RPS6KA5: variants seen among roughly 807,000 people sequenced by gnomAD.
RPS6KA5 encodes the protein ribosomal protein S6 kinase A5.
In RPS6KA5, 27 loss-of-function variants were observed where a neutral mutation model predicts 85.5. That is an observed-to-expected ratio of 0.32 (90% CI 0.23 to 0.44). The LOEUF is 0.44. Ranked by LOEUF, RPS6KA5 falls within the 20% of genes least tolerant of loss-of-function variation. RPS6KA5 has a pLI of 1.00. For missense variants in RPS6KA5, 811 were observed against 980.9 expected (o/e 0.83, Z 2.31); for synonymous variants, 334 against 348.2 (o/e 0.96, Z 0.46).
chr14:90,905,773 T>C (rs142301512), intron 8 of RPS6KA5, among the ~76,000 whole-genome samples: 26 of 152,302 alleles, frequency 1.7e-4, no homozygotes, highest in African/African-American at 6.3e-4. Context: ...CAGTAATAGC[T>C]CATGAACTGA....
At chr14:91,038,467 G>A (rs959104873) in intron 1 of RPS6KA5, among the ~76,000 whole-genome samples, 3 of 152,148 alleles carry the variant, frequency 2.0e-5, no homozygotes, top group Non-Finnish European at 4.4e-5. Context: ...GAACCCATGA[G>A]GACAAACAAG....
intron 5 of RPS6KA5, among the ~76,000 whole-genome samples, chr14:90,942,245 A>G (rs1376781061): frequency 5.3e-5 from 8 of 152,232 alleles, no homozygotes; most frequent in Non-Finnish European, 1.2e-4. Context: ...AAAACCAATC[A>G]GAAATAGATA....
At chr14:90,974,456 T>C (rs1296500644) in intron 3 of RPS6KA5, among the ~76,000 whole-genome samples, 1 of 152,266 alleles carries the variant, frequency 6.6e-6, no homozygotes, top group Non-Finnish European at 1.5e-5. Flanking sequence ...ATGAATTCTT[T>C]CTAGTTCCCC....
At chr14:90,966,810 T>G (rs1454351967) in intron 3 of RPS6KA5, among the ~76,000 whole-genome samples, 2 of 152,204 alleles carry the variant, frequency 1.3e-5, no homozygotes, top group African/African-American at 2.4e-5. Flanking sequence ...TTAAGGTAGA[T>G]TCTTCATCTT....
At chr14:90,999,892 G>C (rs559728487) in intron 2 of RPS6KA5, among the ~76,000 whole-genome samples, 48 of 152,294 alleles carry the variant, frequency 3.2e-4, no homozygotes, top group African/African-American at 1.1e-3. Context: ...TTACAAAGCA[G>C]AAAACCAAGA....
chr14:90,937,556 T>G (rs915508742), intron 5 of RPS6KA5, among the ~76,000 whole-genome samples: 1 of 152,170 alleles, frequency 6.6e-6, no homozygotes, highest in African/African-American at 2.4e-5. Context: ...TATCAGTCCA[T>G]TCTCACACTG....
rs543189121 is a variant in RPS6KA5, at chr14:91,047,953, C to T, written c.103+12379G>A. On this transcript the variant is annotated intron_variant, in intron 1 of 16. Coordinates refer to ENST00000614987, the MANE Select transcript of RPS6KA5 (RefSeq NM_004755.4). The stretch of plus-strand genomic sequence containing the variant: ...TCTCTGACTCTGGCCCTCCTGTCTC[C>T]CTCTTACAAGAACTCTTGTGATTTC... 2.6e-5 allele frequency among the ~76,000 whole-genome samples: 4 copies of T among 152,280 alleles called. No individual in the cohort carries two copies. The East Asian group carries it at 7.7e-4, about 29-fold the overall frequency.
In RPS6KA5 at chr14:90,858,978, A is replaced by G. The variant is rs1163292737; in HGVS notation, c.*13096T>C. 1 of 152,252 alleles carries G rather than the reference A, an allele frequency of 6.6e-6. No individual in the cohort carries two copies. The highest frequency in any genetic ancestry group is 1.5e-5 in the Non-Finnish European group (1 of 68,068). The allele number at this position is 152,252 out of a possible 1,614,324, so 9.4% of individuals were successfully genotyped here. ...GTCTGCCAATTGCAGACTCCTGTGC[A>G]ACAAGGTGAGACTTCAAGAAATCCA... On this transcript the variant is annotated 3_prime_UTR_variant, in exon 17 of 17. Transcript: ENST00000614987.
chr14:90,891,839 C>G (rs540195353), intron 13 of RPS6KA5, among the ~76,000 whole-genome samples: 35 of 152,268 alleles, frequency 2.3e-4, no homozygotes, highest in African/African-American at 1.2e-4. Flanking sequence ...AGTCTTTTAG[C>G]AAGTAACACC....
intron 3 of RPS6KA5, among the ~76,000 whole-genome samples, chr14:90,976,971 G>A (rs2039597494): frequency 6.6e-6 from 1 of 151,988 alleles, no homozygotes. Flanking sequence ...AAGAATACAG[G>A]CAGCAATTTA....
At chr14:90,994,382 T>C (rs1355479931) in intron 2 of RPS6KA5, among the ~76,000 whole-genome samples, 1 of 151,942 alleles carries the variant, frequency 6.6e-6, no homozygotes, top group Non-Finnish European at 1.5e-5. Flanking sequence ...CTCCAATCTG[T>C]CTGGTCATTT....
chr14:91,044,986 C>T (rs2042812789), intron 1 of RPS6KA5, among the ~76,000 whole-genome samples: 1 of 152,008 alleles, frequency 6.6e-6, no homozygotes, highest in Non-Finnish European at 1.5e-5. Context: ...GAACTGAATT[C>T]TACCAACAAA....
At chr14:90,875,108 G>T in intron 15 of RPS6KA5, 93 bp downstream of exon 15, 1 of 1,224,140 alleles carries the variant, frequency 8.2e-7, no homozygotes, top group Non-Finnish European at 1.1e-6. Context: ...TGGATTCCTC[G>T]AGTAATTAAC....
At chr14:90,949,907 CTT>C in intron 3 of RPS6KA5, among the ~76,000 whole-genome samples, 1 of 152,274 alleles carries the variant, frequency 6.6e-6, no homozygotes, top group Non-Finnish European at 1.5e-5. Context: ...GATGGATTGA[CTT>C]GACAGCCCAA....
intron 14 of RPS6KA5, among the ~76,000 whole-genome samples, chr14:90,883,113 C>G (rs1449650882): frequency 1.3e-5 from 2 of 152,078 alleles, no homozygotes; most frequent in African/African-American, 2.4e-5. Context: ...GGGTCTCTTT[C>G]AGTTAGTCTT....
intron 3 of RPS6KA5, among the ~76,000 whole-genome samples, chr14:90,956,822 T>C (rs2038539084): frequency 6.6e-6 from 1 of 152,008 alleles, no homozygotes; most frequent in Admixed American, 6.5e-5. Flanking sequence ...GTGCTATTAT[T>C]GTAACATACA....
chr14:90,967,665 T>C (rs1277382499), intron 3 of RPS6KA5, among the ~76,000 whole-genome samples: 2 of 152,190 alleles, frequency 1.3e-5, no homozygotes, highest in Non-Finnish European at 2.9e-5. Flanking sequence ...CAATCCTAAG[T>C]TTTAAAATTG....
chr14:91,036,450 G>A (rs1200986930), intron 1 of RPS6KA5, among the ~76,000 whole-genome samples: 1 of 152,188 alleles, frequency 6.6e-6, no homozygotes, highest in African/African-American at 2.4e-5. Context: ...GTGGGTGGGT[G>A]GATGAATAGG....
At chr14:90,969,388 T>A (rs1254252608) in intron 3 of RPS6KA5, among the ~76,000 whole-genome samples, 1 of 152,198 alleles carries the variant, frequency 6.6e-6, no homozygotes, top group Non-Finnish European at 1.5e-5. Context: ...TCTCCATTGT[T>A]CTGCAGTTCA....
Sources: gnomAD v4.1 joint callset for allele counts (sites outside exome capture counted in the v4.1 genomes callset) on GRCh38, gnomAD v4.1.1 for gene constraint, MANE v1.5 for transcripts, NCBI Gene and HGNC (gene_info 2026-07-23, HGNC 2026-07-21) for gene names.